The following WDR27 variants were observed in gnomAD, a reference collection of about 807,000 sequenced individuals.
The protein encoded by WDR27 is WD repeat domain 27.
In WDR27, 100 loss-of-function variants were observed where a neutral mutation model predicts 114.4. The observed-to-expected ratio is 0.87, with a 90% CI of 0.74 to 1.03. The LOEUF is 1.03. Among genes scored for constraint, WDR27 ranks in the 50% least tolerant of loss-of-function variants. WDR27 has a pLI of 0.00. For missense variants in WDR27, 1,129 were observed against 1,092.9 expected, an observed-to-expected ratio of 1.03 and a Z score of -0.47; for synonymous variants, 449 against 423.1, an observed-to-expected ratio of 1.06 and a Z score of -0.75.
intron 25 of WDR27, among the ~76,000 whole-genome samples, chr6:169,536,454 A>C (rs558152613): frequency 7.9e-5 from 12 of 152,316 alleles, no homozygotes; most frequent in African/African-American, 2.9e-4. Context: ...AATAATCCTA[A>C]GTTTATTTCT....
At chr6:169,503,080 T>C (rs1488754473) in intron 25 of WDR27, among the ~76,000 whole-genome samples, 3 of 152,150 alleles carry the variant, frequency 2.0e-5, no homozygotes, top group Non-Finnish European at 4.4e-5. Flanking sequence ...GGGAGGTTTG[T>C]CTCTGGCTGT....
chr6:169,611,293 A>G (rs1156630262), intron 22 of WDR27, among the ~76,000 whole-genome samples: 2 of 138,562 alleles, frequency 1.4e-5, no homozygotes, highest in Non-Finnish European at 3.0e-5. Flanking sequence ...GTTTACTGTA[A>G]CTTTTTTACT....
chr6:169,651,132 T>C (rs1052647134), intron 14 of WDR27, among the ~76,000 whole-genome samples: 23 of 119,212 alleles, frequency 1.9e-4, no homozygotes, highest in Admixed American at 1.6e-3. Flanking sequence ...TTGGAGGCTG[T>C]CTTTACACAG....
At chr6:169,645,719 CAT>C (rs1175683649) in intron 16 of WDR27, among the ~76,000 whole-genome samples, 2 of 149,988 alleles carry the variant, frequency 1.3e-5, no homozygotes, top group African/African-American at 2.5e-5. Flanking sequence ...AATCCTAGTT[CAT>C]ATGAGTCACA....
chr6:169,556,852 C>T (rs978529459), intron 25 of WDR27, among the ~76,000 whole-genome samples: 1 of 152,032 alleles, frequency 6.6e-6, no homozygotes, highest in Non-Finnish European at 1.5e-5. Flanking sequence ...AAATTAAAAC[C>T]ACAATGAAAA....
chr6:169,455,262 G>A (rs1034856987), downstream of WDR27, among the ~76,000 whole-genome samples: 1 of 152,198 alleles, frequency 6.6e-6, no homozygotes, highest in African/African-American at 2.4e-5. Flanking sequence ...GCTTCTCTCT[G>A]TGGCACAGCT....
rs1584975943 is a variant in WDR27 at position 169,659,583 on chromosome 6, A to G, written c.1130-65T>C. Reference sequence around the variant, plus strand: ...GGAGGTAGCACATACACACGGAGTCACTGCCCAGAGCCCACCACACACAGC... The same window carrying G: ...GGAGGTAGCACATACACACGGAGTCGCTGCCCAGAGCCCACCACACACAGC... On this transcript the variant is annotated intron_variant, in intron 10 of 25. Transcript: ENST00000448612. This position sits in a 1 kb window ranked among gnomAD's most constrained non-coding sequence, Gnocchi z 4.3. The G allele has an allele frequency of 6.0e-6, 9 of 1,492,788 alleles. No homozygotes were observed. In the Admixed American group the frequency reaches 7.8e-5, roughly 13 times the overall value. 92.5% of individuals were successfully genotyped at this position (1,492,788 alleles called of 1,614,324 possible). A position where few individuals can be genotyped will look rare whatever the true frequency, so the allele number is the denominator to read the frequency against.
the WDR27 span, among the ~76,000 whole-genome samples, chr6:169,443,217 G>A: frequency 5.9e-5 from 9 of 152,146 alleles, no homozygotes; most frequent in African/African-American, 1.2e-4. Flanking sequence ...GAATGGATGC[G>A]TGGACAGCAA....
intron 25 of WDR27, among the ~76,000 whole-genome samples, chr6:169,500,973 C>T (rs187785736): frequency 8.4e-4 from 128 of 152,338 alleles, no homozygotes; most frequent in South Asian, 3.7e-3. Context: ...TCTCCCCCGT[C>T]ACAGGTCAGA....
chr6:169,689,627 T>C (rs912833912), intron 1 of WDR27, among the ~76,000 whole-genome samples: 2 of 152,206 alleles, frequency 1.3e-5, no homozygotes, highest in African/African-American at 4.8e-5. Context: ...CTGACAAAGA[T>C]AAAATGTTTC....
intron 8 of WDR27, among the ~76,000 whole-genome samples, chr6:169,662,680 G>A (rs547775680): frequency 6.9e-4 from 98 of 141,602 alleles, no homozygotes; most frequent in African/African-American, 2.5e-3. Context: ...TTCGGATCAC[G>A]TGTCGAGGAA....
chr6:169,632,241 CAA>C (rs1025680726), intron 21 of WDR27, among the ~76,000 whole-genome samples: 5 of 145,888 alleles, frequency 3.4e-5, no homozygotes, highest in African/African-American at 5.0e-5. Context: ...CTGTGGATAA[CAA>C]AGTCTGTTTA....
intron 1 of WDR27, among the ~76,000 whole-genome samples, chr6:169,693,265 TAA>T (rs747407392): frequency 6.6e-6 from 1 of 152,084 alleles, no homozygotes; most frequent in Admixed American, 6.6e-5. Context: ...GAAGGAAAGA[TAA>T]AGTCTTTTTA....
intron 19 of WDR27, 30 bp downstream of exon 19, chr6:169,636,341 A>G (rs749846924): frequency 8.7e-6 from 14 of 1,601,482 alleles, no homozygotes; most frequent in Non-Finnish European, 1.0e-5. Flanking sequence ...CTGTGATCTA[A>G]AAATAATGCA....
intron 25 of WDR27, among the ~76,000 whole-genome samples, chr6:169,567,430 T>G (rs2903501): frequency 6.6e-6 from 1 of 151,882 alleles, no homozygotes; most frequent in Admixed American, 6.5e-5. Context: ...TGTCCTCAAG[T>G]TCTAAGTAGC....
In WDR27 at chr6:169,575,045, C is replaced by T. The variant is rs142799020; in HGVS notation, c.2524-2505G>A. Reference sequence around the variant, plus strand: ...CCTGCCCTTGGGCTGGGACTTAAACCAGTACCCCCCAATTCTTCCCCCATT... The same window carrying T: ...CCTGCCCTTGGGCTGGGACTTAAACTAGTACCCCCCAATTCTTCCCCCATT... On this transcript the variant is annotated intron_variant, in intron 24 of 25. Transcript: ENST00000448612. Among the ~76,000 whole-genome samples, 278 of 152,226 alleles carry T rather than the reference C, an allele frequency of 1.8e-3. 4 individuals carry two copies. Among genetic ancestry groups the T allele is most frequent in the African/African-American group, 6.5e-3 (269 of 41,528 alleles).
chr6:169,675,376 C>A (rs1227511803), intron 2 of WDR27, among the ~76,000 whole-genome samples: 1 of 152,118 alleles, frequency 6.6e-6, no homozygotes, highest in Non-Finnish European at 1.5e-5. Flanking sequence ...TTCCTGAGGC[C>A]CTCACCAGAA....
chr6:169,583,496 TATATATATGTATATATACAC>T (rs1304592297), intron 23 of WDR27, among the ~76,000 whole-genome samples: 2 of 26,110 alleles, frequency 7.7e-5, no homozygotes, highest in Non-Finnish European at 5.0e-4. Flanking sequence ...TACATATATA[TATATATATGTATATATACAC>T]ACACACACAC....
intron 21 of WDR27, among the ~76,000 whole-genome samples, chr6:169,619,660 TC>T (rs1469137815): frequency 6.6e-6 from 1 of 152,212 alleles, no homozygotes; most frequent in Non-Finnish European, 1.5e-5. Context: ...TGGTTGAGTT[TC>T]TCTGAAGACC....
Sources: gnomAD v4.1 joint callset for allele counts (sites outside exome capture counted in the v4.1 genomes callset) on GRCh38, gnomAD v4.1.1 for gene constraint, Gnocchi (gnomAD v3.1) non-coding constraint, MANE v1.5 for transcripts, NCBI Gene and HGNC (gene_info 2026-07-23, HGNC 2026-07-21) for gene names.